The following SLC26A4 variants were observed in gnomAD, a reference collection of about 807,000 sequenced individuals.
SLC26A4 encodes the protein solute carrier family 26 member 4.
SLC26A4 carries 93 observed loss-of-function variants against 90.4 expected under a neutral mutation model. The ratio of observed to expected loss-of-function variants is 1.03; its 90% CI spans 0.87 to 1.22. The LOEUF is 1.22. SLC26A4 is among the 50% of genes most tolerant of loss of function. The probability of loss-of-function intolerance (pLI) is 0.00; values close to 1 mark genes in which losing one functional copy is unlikely to be tolerated. For missense variants in SLC26A4, 1,127 were observed against 946.2 expected (o/e 1.19, Z -2.51); for synonymous variants, 393 against 354.6 (o/e 1.11, Z -1.22).
Position 107,680,262 on chromosome 7 carries a change from C to A in SLC26A4, c.766-2940C>A, listed in dbSNP as rs568174124. ...ATATAATATAATCTTATTATATAAT[C>A]TTATCTTATTATATAATATAATCTT... is the stretch of plus-strand genomic sequence containing the variant. On this transcript the variant is annotated intron_variant, in intron 6 of 20. Transcript: ENST00000644269. 7.1e-3 allele frequency among the ~76,000 whole-genome samples: 832 copies of A among 117,358 alleles called. 62 individuals carry two copies. Among genetic ancestry groups the A allele is most frequent in the Admixed American group, 0.068 (730 of 10,736 alleles). 77.0% of individuals were successfully genotyped at this position (117,358 alleles called of 152,430 possible). A position where few individuals can be genotyped will look rare whatever the true frequency, so the allele number is the denominator to read the frequency against.
At chr7:107,710,794 C>A (rs1792164490) in intron 19 of SLC26A4, among the ~76,000 whole-genome samples, 1 of 152,040 alleles carries the variant, frequency 6.6e-6, no homozygotes, top group Non-Finnish European at 1.5e-5. Flanking sequence ...TGTCAAATAC[C>A]CAGAAGAGGT....
At chr7:107,668,044 T>TC (rs1332501564) in intron 3 of SLC26A4, among the ~76,000 whole-genome samples, 1 of 152,018 alleles carries the variant, frequency 6.6e-6, no homozygotes, top group African/African-American at 2.4e-5. Flanking sequence ...TGTAACTGGG[T>TC]CCCCAGGCAG....
intron 9 of SLC26A4, among the ~76,000 whole-genome samples, chr7:107,689,614 T>C (rs1157520747): frequency 1.3e-5 from 2 of 152,202 alleles, no homozygotes; most frequent in Non-Finnish European, 2.9e-5. Flanking sequence ...GTGCAGTTAA[T>C]ATATACAGGC....
chr7:107,669,523 G>T (rs1790808328), intron 3 of SLC26A4, among the ~76,000 whole-genome samples: 1 of 152,158 alleles, frequency 6.6e-6, no homozygotes, highest in Non-Finnish European at 1.5e-5. Flanking sequence ...TCTTCCTTCT[G>T]TGGAGTCACC....
Position 107,710,045 on chromosome 7 carries a change from C to T in SLC26A4, c.2090-9C>T. ...GGAACTAACAAAACATTGTGTCTTT[C>T]TTTTGAAGATTATGTGATAGAAAAG... On this transcript the variant is annotated splice_polypyrimidine_tract_variant and intron_variant, in intron 18 of 20. Transcript: ENST00000644269. 6.2e-7 allele frequency: 1 copy of T among 1,611,586 alleles called. No individual in the cohort carries two copies. Among genetic ancestry groups the T allele is most frequent in the East Asian group, 2.2e-5 (1 of 44,842 alleles).
At position 107,674,243 on chromosome 7, in the gene SLC26A4, C is replaced by G; in HGVS notation, c.495C>G (p.Ser165Arg). The change falls in exon 5 of 21, where the codon AGC becomes AGG. Residue 165 changes from serine (S) to arginine (R), a missense_variant. Transcript: ENST00000644269. ...CCGACGAACACTTTCTCGTATCCAG[C>G]AGCAATGGAACTGTATTAAATACTA... ...MAPDEHFLVSSSNGTVLNTTM... is the reference protein window; with the variant it reads ...MAPDEHFLVSRSNGTVLNTTM... 6.2e-7 allele frequency: 1 copy of G among 1,613,992 alleles called. No homozygotes were observed. Among genetic ancestry groups the G allele is most frequent in the Non-Finnish European group, 8.5e-7 (1 of 1,179,924 alleles).
At chr7:107,687,245 CA>C (rs1408152743) in intron 8 of SLC26A4, among the ~76,000 whole-genome samples, 1 of 152,056 alleles carries the variant, frequency 6.6e-6, no homozygotes, top group African/African-American at 2.4e-5. Flanking sequence ...GCCCACTGAG[CA>C]AAAAATTTGG....
intron 3 of SLC26A4, among the ~76,000 whole-genome samples, chr7:107,666,427 G>T (rs1408629178): frequency 6.6e-6 from 1 of 152,142 alleles, no homozygotes; most frequent in Non-Finnish European, 1.5e-5. Context: ...TCACCATGTT[G>T]CCCAGGCTGG....
chr7:107,700,241 A>G (rs1247911262), intron 15 of SLC26A4, 66 bp downstream of exon 15: 2 of 820,448 alleles, frequency 2.4e-6, no homozygotes, highest in African/African-American at 3.3e-5. Flanking sequence ...TTCTACAAGT[A>G]TTTACTGGGG....
intron 20 of SLC26A4, among the ~76,000 whole-genome samples, chr7:107,713,758 CTG>C (rs1396227379): frequency 6.6e-6 from 1 of 152,088 alleles, no homozygotes; most frequent in Non-Finnish European, 1.5e-5. Context: ...CAACTAAAGA[CTG>C]GGGCATTTTC....
rs572243382 is a variant in SLC26A4, at chr7:107,708,056, C to T, written c.2090-1998C>T. On this transcript the variant is annotated intron_variant, in intron 18 of 20. Transcript: ENST00000644269. ...GGCCAGTTACCTGGAAGAGAAAATCCTCTCACAATTTTCTATTAAGAGTAA... is the reference window on the plus strand; with the variant it reads ...GGCCAGTTACCTGGAAGAGAAAATCTTCTCACAATTTTCTATTAAGAGTAA... Among the ~76,000 whole-genome samples, 9 of 152,276 alleles carry T rather than the reference C, an allele frequency of 5.9e-5. No individual in the cohort carries two copies. The South Asian group carries it at 1.9e-3, about 32-fold the overall frequency.
intron 19 of SLC26A4, among the ~76,000 whole-genome samples, chr7:107,711,761 C>T (rs1180362372): frequency 1.3e-5 from 2 of 152,170 alleles, no homozygotes; most frequent in Non-Finnish European, 2.9e-5. Context: ...ATTTTACCAT[C>T]ACAGGACTAT....
rs1193833633 is a variant in SLC26A4 at position 107,661,343 on chromosome 7, G to A, written c.-3-296G>A. ...GCTGCGGGCCATAGGGGACTGGGTGGAACTCGGGAAGCCCCCAGAGCAGGG... is the reference window on the plus strand; with the variant it reads ...GCTGCGGGCCATAGGGGACTGGGTGAAACTCGGGAAGCCCCCAGAGCAGGG... On this transcript the variant is annotated intron_variant, in intron 1 of 20. Transcript: ENST00000644269. The surrounding 1 kb of genome is among the most constrained non-coding windows in gnomAD (Gnocchi z 5.1). The A allele has an allele frequency of 2.2e-4, 117 of 526,680 alleles. 1 individual carries two copies. In the Admixed American group the frequency reaches 3.8e-3, roughly 17 times the overall value. The allele number at this position is 526,680 out of a possible 1,614,324, so 32.6% of individuals were successfully genotyped here.
At chr7:107,711,475 T>C (rs1413820428) in intron 19 of SLC26A4, among the ~76,000 whole-genome samples, 1 of 152,082 alleles carries the variant, frequency 6.6e-6, no homozygotes, top group African/African-American at 2.4e-5. Flanking sequence ...CAGAGAGGTA[T>C]TGTGAGTGGC....
chr7:107,671,190 T>C (rs1039049382), intron 3 of SLC26A4, among the ~76,000 whole-genome samples: 7 of 152,082 alleles, frequency 4.6e-5, no homozygotes, highest in Admixed American at 2.6e-4. Flanking sequence ...AGACATAAGG[T>C]CTTGCTCTGT....
At chr7:107,704,541 T>C (rs1164305543) in intron 18 of SLC26A4, among the ~76,000 whole-genome samples, 156 bp downstream of exon 18, 1 of 152,150 alleles carries the variant, frequency 6.6e-6, no homozygotes, top group Non-Finnish European at 1.5e-5. Context: ...TGGCACTGCT[T>C]CATTCCATAA....
In SLC26A4 at chr7:107,678,386, G is replaced by A. The variant is rs554682048; in HGVS notation, c.765+3277G>A. Among the ~76,000 whole-genome samples, 5 of 152,190 alleles carry A rather than the reference G, an allele frequency of 3.3e-5. No homozygotes were observed. In the South Asian group the frequency reaches 8.3e-4, roughly 25 times the overall value. ...TGCTAGGCCTTCATCTACACAGATC[G>A]CAGGAGGTCCAAACTAATTGTTGAC... On this transcript the variant is annotated intron_variant, in intron 6 of 20. Coordinates refer to ENST00000644269, the MANE Select transcript of SLC26A4 (RefSeq NM_000441.2).
intron 18 of SLC26A4, among the ~76,000 whole-genome samples, chr7:107,704,938 G>A (rs777374076): frequency 5.5e-4 from 84 of 152,126 alleles, no homozygotes; most frequent in South Asian, 6.2e-4. Flanking sequence ...GTCTGTTGTC[G>A]TCTAGTGCGG....
At chr7:107,667,109 G>T (rs1028443954) in intron 3 of SLC26A4, among the ~76,000 whole-genome samples, 2 of 152,134 alleles carry the variant, frequency 1.3e-5, no homozygotes, top group African/African-American at 4.8e-5. Flanking sequence ...GTTTGGGATA[G>T]GAAATCAAGT....
Sources: allele counts gnomAD v4.1 joint callset (sites outside exome capture counted in the v4.1 genomes callset), GRCh38; gene constraint gnomAD v4.1.1; non-coding constraint Gnocchi (gnomAD v3.1); transcripts MANE v1.5; gene names NCBI Gene and HGNC (gene_info 2026-07-23, HGNC 2026-07-21).